The following PQBP1 variants were observed in gnomAD, a reference collection of about 807,000 sequenced individuals.
PQBP1 encodes polyglutamine binding protein 1.
A neutral mutation model predicts 20.9 loss-of-function variants in PQBP1; 3 were observed. That is an observed-to-expected ratio of 0.14 (90% confidence interval 0.07 to 0.37). The LOEUF (loss-of-function observed/expected upper bound fraction) is 0.37. PQBP1 is among the 10% of genes least tolerant of loss of function. The pLI is 1.00. For missense variants in PQBP1, 162 were observed against 240.3 expected (o/e 0.67, Z 2.16); for synonymous variants, 83 against 93.8 (o/e 0.88, Z 0.67).
intron 2 of PQBP1, among the ~76,000 whole-genome samples, chrX:48,900,866 C>T (rs1262976352): frequency 2.7e-5 from 3 of 111,411 alleles, no homozygotes; most frequent in Non-Finnish European, 5.7e-5. Context: ...GCTGGGATTA[C>T]AGGCATGAGC....
intron 2 of PQBP1, among the ~76,000 whole-genome samples, chrX:48,900,275 ATTGAT>A (rs1484507790): frequency 1.2e-5 from 1 of 86,466 alleles, no homozygotes; most frequent in East Asian, 3.7e-4. Flanking sequence ...GGCAATGATC[ATTGAT>A]TTACTTTTTT....
At chrX:48,902,562 G>A in intron 5 of PQBP1, 45 bp downstream of exon 5, 1 of 1,186,771 alleles carries the variant, frequency 8.4e-7, no homozygotes, top group Non-Finnish European at 1.1e-6. Context: ...CAAGGTGCAG[G>A]GTGCACTGCG....
intron 1 of PQBP1, 100 bp downstream of exon 1, chrX:48,898,182 G>C: frequency 9.9e-7 from 1 of 1,011,033 alleles, no homozygotes; most frequent in Middle Eastern, 4.1e-4. Context: ...CAGTCATGGG[G>C]ACGCTGGATG....
intron 3 of PQBP1, 60 bp from the exon 4 acceptor site, chrX:48,901,868 CAA>C (rs2063420895): frequency 9.1e-6 from 11 of 1,203,653 alleles, no homozygotes; most frequent in Middle Eastern, 5.0e-4. Flanking sequence ...ACTGGGGAGA[CAA>C]GAGTTGAGGA....
In PQBP1 at chrX:48,902,025, T is replaced by C. The variant is rs782254234; in HGVS notation, c.275T>C (p.Leu92Pro). 1 of 1,211,178 alleles carries C rather than the reference T, an allele frequency of 8.3e-7. No homozygotes were observed. The highest frequency in any genetic ancestry group is 1.1e-6 in the Non-Finnish European group (1 of 895,410). Reference sequence around the variant, plus strand: ...GTGGTTACCAAATCGGCCAAGAAGCTCAGAAGCAGTAATGCAGGTGAGTTG... The same window carrying C: ...GTGGTTACCAAATCGGCCAAGAAGCCCAGAAGCAGTAATGCAGGTGAGTTG... ...NSVVTKSAKK[L>P]RSSNADAEEK... Residue 92 changes from leucine (L) to proline (P), a missense_variant, in exon 4 of 7, where the codon CTC becomes CCC. By Grantham distance (98) the Leu-to-Pro change is moderately conservative (BLOSUM62 -3). Coordinates refer to ENST00000447146, the MANE Select transcript of PQBP1 (RefSeq NM_001032382.2).
At chrX:48,901,442 C>T (rs1397368054) in intron 3 of PQBP1, 141 bp downstream of exon 3, 19 of 1,091,519 alleles carry the variant, frequency 1.7e-5, no homozygotes, top group East Asian at 3.3e-5. Context: ...CAAGTTGCTG[C>T]CTGCTGGGGC....
At chrX:48,902,702 A>G (rs781787664) in intron 5 of PQBP1, 30 bp from the exon 6 acceptor site, 7 of 1,187,217 alleles carry the variant, frequency 5.9e-6, no homozygotes, top group Non-Finnish European at 7.9e-6. Context: ...TGGTGCCTCT[A>G]TTGAAGACTT....
chrX:48,901,395 C>G, intron 3 of PQBP1, 94 bp downstream of exon 3: 1 of 1,160,159 alleles, frequency 8.6e-7, no homozygotes, highest in Admixed American at 2.6e-5. Flanking sequence ...GAGGGAGCCT[C>G]GGGTGGAGGG....
intron 3 of PQBP1, 84 bp downstream of exon 3, chrX:48,901,385 G>C: frequency 8.6e-7 from 1 of 1,164,275 alleles, no homozygotes; most frequent in Non-Finnish European, 1.1e-6. Flanking sequence ...GGACACAAGG[G>C]AGGGAGCCTC....
chrX:48,898,391 T>C (rs781837882), intron 1 of PQBP1, 101 bp from the exon 2 acceptor site: 16 of 746,221 alleles, frequency 2.1e-5, no homozygotes, highest in Non-Finnish European at 3.1e-5. Context: ...TTTGAGTAGA[T>C]CGGAGTCAGA....
Position 48,902,482 on chromosome X carries a change from G to A in PQBP1, c.542G>A (p.Arg181Gln), listed in dbSNP as rs781870298. Reference protein sequence around the residue: ...EEGKERRHHRREELAPYPKSK... With the variant: ...EEGKERRHHRQEELAPYPKSK... The stretch of plus-strand genomic sequence containing the variant: ...GGCAAAGAACGGCGCCACCATCGCC[G>A]GGAGGAGCTGGCTCCCTATCCCAAG... Residue 181 changes from arginine to glutamine, a missense_variant, in exon 5 of 7, where the codon CGG (arginine) becomes CAG (glutamine). Transcript: ENST00000447146. 4 of 1,203,750 alleles carry A rather than the reference G, an allele frequency of 3.3e-6. No homozygotes were observed. Among genetic ancestry groups the A allele is most frequent in the Admixed American group, 2.2e-5 (1 of 44,844 alleles).
At chrX:48,899,369 T>G (rs782561583) in intron 2 of PQBP1, among the ~76,000 whole-genome samples, 1 of 111,610 alleles carries the variant, frequency 9.0e-6, no homozygotes, top group South Asian at 3.7e-4. Flanking sequence ...GCGGGTAGAT[T>G]GCTTGAGTTT....
At position 48,902,299 on chromosome X, in the gene PQBP1, G is replaced by C; in HGVS notation, c.359G>C (p.Ser120Thr). Residue 120 changes from serine (S) to threonine (T), a missense_variant, in exon 5 of 7, where the codon AGC becomes ACC. Physicochemically the swap from Ser to Thr is moderately conservative, Grantham distance 58. Coordinates refer to ENST00000447146, the MANE Select transcript of PQBP1 (RefSeq NM_001032382.2). ...AGGGGCCATGACAAGTCGGACCGCAGCCATGAGAAACTAGACAGGGGCCAC... is the reference window on the plus strand; with the variant it reads ...AGGGGCCATGACAAGTCGGACCGCACCCATGAGAAACTAGACAGGGGCCAC... ...SDRGHDKSDRSHEKLDRGHDK... is the reference protein window; with the variant it reads ...SDRGHDKSDRTHEKLDRGHDK... 8.3e-7 allele frequency: 1 copy of C among 1,211,486 alleles called. No homozygotes were observed. The highest frequency in any genetic ancestry group is 1.1e-6 in the Non-Finnish European group (1 of 895,438).
At chrX:48,898,113 G>A in intron 1 of PQBP1, 31 bp downstream of exon 1, 1 of 1,017,613 alleles carries the variant, frequency 9.8e-7, no homozygotes, top group Non-Finnish European at 1.3e-6. Context: ...CTCTTTTGGA[G>A]CTGGAGGAAG....
rs34214032 is a variant in PQBP1 at position 48,898,785 on chromosome X, C to CTT, written c.67+247_67+248dup. On this transcript the variant is annotated intron_variant, in intron 2 of 6. Coordinates refer to ENST00000447146, the MANE Select transcript of PQBP1 (RefSeq NM_001032382.2). ...GGGTTGGGGGAATAGATATTTCATTCTTTTTTTTTTTTTTTTTTTTTTTTT... is the reference window on the plus strand; with the variant it reads ...GGGTTGGGGGAATAGATATTTCATTCTTTTTTTTTTTTTTTTTTTTTTTTTTT... Among the ~76,000 whole-genome samples the CTT allele has an allele frequency of 2.0e-3, 43 of 21,477 alleles. 11 individuals carry two copies. Among genetic ancestry groups the CTT allele is most frequent in the Admixed American group, 3.5e-3 (4 of 1,127 alleles). The allele number at this position is 21,477 out of a possible 115,157, so 18.7% of individuals were successfully genotyped here. A position where few individuals can be genotyped will look rare whatever the true frequency, so the allele number is the denominator to read the frequency against.
Position 48,897,958 on chromosome X carries a change from G to A in PQBP1, c.-143G>A, listed in dbSNP as rs1428100832. The A allele has an allele frequency of 3.4e-6, 3 of 872,831 alleles. No homozygotes were observed. Among genetic ancestry groups the A allele is most frequent in the Non-Finnish European group, 3.1e-6 (2 of 647,044 alleles). 71.9% of individuals were successfully genotyped at this position (872,831 alleles called of 1,213,427 possible). A position where few individuals can be genotyped will look rare whatever the true frequency, so the allele number is the denominator to read the frequency against. On this transcript the variant is annotated 5_prime_UTR_variant, in exon 1 of 7. Transcript: ENST00000447146. ...TTACTTTCAGGCTCGGGGAGTGAAG[G>A]CCTCGTTGAGAGAAGGTCTCATTCG...
intron 1 of PQBP1, 57 bp from the exon 2 acceptor site, chrX:48,898,435 G>C: frequency 9.3e-7 from 1 of 1,079,360 alleles, no homozygotes; most frequent in Non-Finnish European, 1.3e-6. Context: ...CTTGGTTACG[G>C]GATCCAGATA....
At chrX:48,900,433 A>G (rs2063390975) in intron 2 of PQBP1, among the ~76,000 whole-genome samples, 2 of 104,603 alleles carry the variant, frequency 1.9e-5, no homozygotes, top group African/African-American at 6.9e-5. Flanking sequence ...AGCTAGGACC[A>G]CAGGCGTGCT....
At position 48,902,899 on chromosome X, in the gene PQBP1, TC is replaced by T. The variant is rs782287803; in HGVS notation, c.642-25del. 2.5e-6 allele frequency: 3 copies of T among 1,191,656 alleles called. No homozygotes were observed. In the South Asian group the frequency reaches 5.5e-5, roughly 22 times the overall value. Reference sequence around the variant, plus strand: ...TGGGCTGTGTCCGCCACATCACCCATCCCCATCCCCTGACTCTTTCACCGGC... The same window carrying T: ...TGGGCTGTGTCCGCCACATCACCCATCCCATCCCCTGACTCTTTCACCGGC... On this transcript the variant is annotated intron_variant, in intron 6 of 6. Coordinates refer to ENST00000447146, the MANE Select transcript of PQBP1 (RefSeq NM_001032382.2).
Sources: allele counts gnomAD v4.1 joint callset (sites outside exome capture counted in the v4.1 genomes callset), GRCh38; gene constraint gnomAD v4.1.1; transcripts MANE v1.5; gene names NCBI Gene and HGNC (gene_info 2026-07-23, HGNC 2026-07-21).